Variants in TTC28 observed in about 807,000 individuals in gnomAD.
TTC28 encodes the protein tetratricopeptide repeat protein 28.
In TTC28, 61 loss-of-function variants were observed where a neutral mutation model predicts 198.0. The observed-to-expected ratio is 0.31, with a 90% CI of 0.25 to 0.38. The LOEUF (loss-of-function observed/expected upper bound fraction) is 0.38, where lower values mean the gene tolerates loss of function less well. Among genes scored for constraint, TTC28 ranks in the 10% least tolerant of loss-of-function variants. TTC28 has a pLI of 1.00. For missense variants in TTC28, 2,678 were observed against 3,164.0 expected (o/e 0.85, Z 3.69); for synonymous variants, 1,171 against 1,297.8 (o/e 0.90, Z 2.10).
In TTC28 at chr22:28,533,020, A is replaced by C. The variant is rs141749076; in HGVS notation, c.381+96532T>G. On this transcript the variant is annotated intron_variant, in intron 2 of 22. Transcript: ENST00000397906. ...ACAAGACAGGGATGCCCTCTCTCAC[A>C]ACTCCTATTCGACATAGTGTTGGAA... 7.2e-5 allele frequency among the ~76,000 whole-genome samples: 11 copies of C among 152,234 alleles called. No individual in the cohort carries two copies. The East Asian group carries it at 1.7e-3, about 24-fold the overall frequency.
Position 28,134,007 on chromosome 22 carries a change from C to T in TTC28, c.1442-25604G>A, listed in dbSNP as rs778664191. Among the ~76,000 whole-genome samples, 9 of 152,172 alleles carry T rather than the reference C, an allele frequency of 5.9e-5. 1 individual carries two copies. Among genetic ancestry groups the T allele is most frequent in the South Asian group, 4.1e-4 (2 of 4,828 alleles). On this transcript the variant is annotated intron_variant, in intron 6 of 22. Transcript: ENST00000397906. ...CACGCGGCCAGGTACCCCTCTGAGA[C>T]GAAGCTTCCAGAGGAACGATCAGGC...
intron 14 of TTC28, 121 bp downstream of exon 14, chr22:28,014,127 T>C (rs760469859): frequency 7.1e-6 from 9 of 1,261,480 alleles, no homozygotes; most frequent in South Asian, 3.2e-5. Context: ...ACTTGTGTTC[T>C]GGAAAGCCTC....
At chr22:28,598,650 T>C (rs1247752223) in intron 2 of TTC28, among the ~76,000 whole-genome samples, 2 of 151,782 alleles carry the variant, frequency 1.3e-5, no homozygotes, top group Non-Finnish European at 2.9e-5. Flanking sequence ...GGTGATGACA[T>C]ATATGGCAAC....
At chr22:28,466,689 G>A (rs1042239430) in intron 2 of TTC28, among the ~76,000 whole-genome samples, 14 of 152,046 alleles carry the variant, frequency 9.2e-5, no homozygotes, top group Admixed American at 2.0e-4. Context: ...GTCAACACCC[G>A]CGTCTTATGT....
In TTC28 at chr22:27,998,820, G is replaced by A. The variant is rs1217147908; in HGVS notation, c.4839C>T (p.Asp1613=). Residue 1613 remains aspartate (D), a synonymous_variant, in exon 16 of 23, where the codon GAC becomes GAT. Coordinates refer to ENST00000397906, the MANE Select transcript of TTC28 (RefSeq NM_001145418.2). ...ELLLTAADVL[D]LQLPVKLVVL... is the part of the protein sequence containing the mutation. ...CCACCAGCTTCACAGGCAGCTGCAG[G>A]TCCAGGACGTCGGCGGCAGTAAGCA... 4 of 1,550,498 alleles carry A rather than the reference G, an allele frequency of 2.6e-6. No homozygotes were observed. Among genetic ancestry groups the A allele is most frequent in the Non-Finnish European group, 1.7e-6 (2 of 1,146,998 alleles).
Position 28,503,691 on chromosome 22 carries a change from T to C in TTC28, c.381+125861A>G, listed in dbSNP as rs2048566286. ...TAATATTGTCTTTAGCCAATCTTAATAGTATTAGCTAAGAACTTTAACGCA... is the reference window on the plus strand; with the variant it reads ...TAATATTGTCTTTAGCCAATCTTAACAGTATTAGCTAAGAACTTTAACGCA... On this transcript the variant is annotated intron_variant, in intron 2 of 22. Coordinates refer to ENST00000397906, the MANE Select transcript of TTC28 (RefSeq NM_001145418.2). Among the ~76,000 whole-genome samples the C allele has an allele frequency of 3.9e-5, 6 of 152,354 alleles. No individual in the cohort carries two copies. The South Asian group carries it at 8.3e-4, about 21-fold the overall frequency.
intron 2 of TTC28, among the ~76,000 whole-genome samples, chr22:28,390,686 C>G (rs1257978685): frequency 2.6e-5 from 4 of 151,440 alleles, no homozygotes; most frequent in African/African-American, 9.7e-5. Context: ...TTTTGTTTTC[C>G]ATTTGCTTGG....
chr22:28,053,696 T>C (rs934366265), intron 12 of TTC28, among the ~76,000 whole-genome samples: 8 of 152,218 alleles, frequency 5.3e-5, no homozygotes, highest in Non-Finnish European at 1.0e-4. Flanking sequence ...TGACTGCACA[T>C]ATTCCAGGAG....
intron 2 of TTC28, among the ~76,000 whole-genome samples, chr22:28,535,596 G>C (rs1217133043): frequency 6.6e-6 from 1 of 152,040 alleles, no homozygotes; most frequent in Non-Finnish European, 1.5e-5. Context: ...ATATGGTTTG[G>C]CTCTGTGTCC....
intron 12 of TTC28, among the ~76,000 whole-genome samples, chr22:28,057,988 T>C (rs1241918557): frequency 2.0e-5 from 3 of 152,202 alleles, no homozygotes; most frequent in African/African-American, 7.2e-5. Context: ...TCTTGATTAC[T>C]ATAGCTTTAT....
intron 5 of TTC28, among the ~76,000 whole-genome samples, chr22:28,271,253 G>T (rs565192432): frequency 1.3e-5 from 2 of 151,886 alleles, no homozygotes; most frequent in African/African-American, 4.8e-5. Flanking sequence ...TATTCCTTGG[G>T]TTAGACTGTA....
At chr22:28,166,298 T>G (rs1921937132) in intron 5 of TTC28, among the ~76,000 whole-genome samples, 1 of 152,150 alleles carries the variant, frequency 6.6e-6, no homozygotes, top group African/African-American at 2.4e-5. Flanking sequence ...ATCCAGGAAT[T>G]GAACTCAGCT....
At chr22:28,583,131 C>G (rs951115066) in intron 2 of TTC28, among the ~76,000 whole-genome samples, 1 of 152,148 alleles carries the variant, frequency 6.6e-6, no homozygotes, top group Non-Finnish European at 1.5e-5. Flanking sequence ...CCCACCCCCG[C>G]AATGCAACCA....
rs189510877 is a variant in TTC28, at chr22:28,562,971, A to T, written c.381+66581T>A. ...AACCCTGTCTCTACAAAAAATACAAATATTTGCCAGGTGTGGTGGCGTGTA... is the reference window on the plus strand; with the variant it reads ...AACCCTGTCTCTACAAAAAATACAATTATTTGCCAGGTGTGGTGGCGTGTA... On this transcript the variant is annotated intron_variant, in intron 2 of 22. Coordinates refer to ENST00000397906, the MANE Select transcript of TTC28 (RefSeq NM_001145418.2). 4.3e-3 allele frequency among the ~76,000 whole-genome samples: 648 copies of T among 152,134 alleles called. 4 individuals are homozygous for T. Among genetic ancestry groups the T allele is most frequent in the Non-Finnish European group, 6.1e-3 (416 of 68,000 alleles).
Position 27,999,360 on chromosome 22 carries a change from T to C in TTC28, c.4399-100A>G, listed in dbSNP as rs114535652. On this transcript the variant is annotated intron_variant, in intron 15 of 22. Transcript: ENST00000397906. ...ACAGGGACGGCCAGCTCTCTGCTGGTTGAGCTTGAATCCACCTGTTTCCCC... is the reference window on the plus strand; with the variant it reads ...ACAGGGACGGCCAGCTCTCTGCTGGCTGAGCTTGAATCCACCTGTTTCCCC... The C allele has an allele frequency of 4.9e-5, 71 of 1,440,270 alleles. No homozygotes were observed. In the African/African-American group the frequency reaches 9.2e-4, roughly 19 times the overall value. 89.2% of individuals were successfully genotyped at this position (1,440,270 alleles called of 1,614,324 possible).
intron 10 of TTC28, among the ~76,000 whole-genome samples, chr22:28,098,207 C>A (rs1216312304): frequency 2.0e-5 from 3 of 152,138 alleles, no homozygotes; most frequent in Admixed American, 6.5e-5. Flanking sequence ...AGGAGGCAGA[C>A]CCAGGTGGCA....
chr22:28,452,338 C>T (rs1246522012), intron 2 of TTC28, among the ~76,000 whole-genome samples: 4 of 132,886 alleles, frequency 3.0e-5, no homozygotes, highest in Non-Finnish European at 4.6e-5. Context: ...TTCAATGAGC[C>T]GAGATTGTGC....
rs1244877173 is a variant in TTC28, at chr22:28,618,079, C to G, written c.381+11473G>C. Among the ~76,000 whole-genome samples, 4 of 151,978 alleles carry G rather than the reference C, an allele frequency of 2.6e-5. No individual in the cohort carries two copies. The East Asian group carries it at 7.7e-4, about 29-fold the overall frequency. On this transcript the variant is annotated intron_variant, in intron 2 of 22. Transcript: ENST00000397906. ...TCTGAGGTCAGAAGTTCGAGACCAG[C>G]CTGGCCAACATGATGAAACTCCATT...
At chr22:28,506,485 C>T (rs187323637) in intron 2 of TTC28, among the ~76,000 whole-genome samples, 3 of 152,238 alleles carry the variant, frequency 2.0e-5, no homozygotes, top group Non-Finnish European at 4.4e-5. Context: ...TCCGGTCTAC[C>T]AGCTTTGGAG....
Sources: gnomAD v4.1 joint callset for allele counts (sites outside exome capture counted in the v4.1 genomes callset) on GRCh38, gnomAD v4.1.1 for gene constraint, MANE v1.5 for transcripts, NCBI Gene and HGNC (gene_info 2026-07-23, HGNC 2026-07-21) for gene names.